Variants in PCDHGB1 observed in about 807,000 individuals in gnomAD.
PCDHGB1 encodes protocadherin gamma subfamily B, 1.
PCDHGB1 carries 34 observed loss-of-function variants against 56.6 expected under a neutral mutation model. That is an observed-to-expected ratio of 0.60 (90% CI 0.46 to 0.80). PCDHGB1 has a LOEUF of 0.80. PCDHGB1 is among the 30% of genes least tolerant of loss of function. PCDHGB1 has a pLI of 0.00. For synonymous variants in PCDHGB1, 561 were observed against 505.9 expected, an observed-to-expected ratio of 1.11 and a Z score of -1.46; for missense variants, 1,278 against 1,204.6, an observed-to-expected ratio of 1.06 and a Z score of -0.90.
chr5:141,485,152 A>T lies in PCDHGB1; in HGVS notation c.2410-9655A>T. 1.3e-6 allele frequency: 2 copies of T among 1,586,090 alleles called. No homozygotes were observed. Among genetic ancestry groups the T allele is most frequent in the Non-Finnish European group, 8.6e-7 (1 of 1,157,176 alleles). ...CTTCATCCGCGTCTCAGGAGCAAGT[A>T]GAGAATTAGCGGGCGGCAGCAATGC... On this transcript the variant is annotated intron_variant, in intron 1 of 3. Coordinates refer to ENST00000523390, the MANE Select transcript of PCDHGB1 (RefSeq NM_018922.3). This position sits in a 1 kb window ranked among gnomAD's most constrained non-coding sequence, Gnocchi z 5.7.
chr5:141,382,940 T>A, intron 1 of PCDHGB1: 1 of 1,595,270 alleles, frequency 6.3e-7, no homozygotes, highest in Non-Finnish European at 8.6e-7. Flanking sequence ...AGAGGATTCT[T>A]CCTGCTCTCC....
chr5:141,415,747 T>TTTTG, intron 1 of PCDHGB1: 2 of 797,626 alleles, frequency 2.5e-6, no homozygotes, highest in Non-Finnish European at 3.1e-6. Flanking sequence ...AAGGTTTTTT[T>TTTTG]TTTTTTTTTT....
chr5:141,490,945 C>T lies in PCDHGB1; in HGVS notation c.2410-3862C>T, dbSNP rs2099706308. On this transcript the variant is annotated intron_variant, in intron 1 of 3. Transcript: ENST00000523390. This position sits in a 1 kb window ranked among gnomAD's most constrained non-coding sequence, Gnocchi z 5.4. ...TGCCCCAGCTGTGCTGCACCCACGG[C>T]CAGACTGGGAACACTCAGCCCCCCA... The T allele has an allele frequency of 6.2e-7, 1 of 1,613,434 alleles. No homozygotes were observed. Among genetic ancestry groups the T allele is most frequent in the South Asian group, 1.1e-5 (1 of 91,010 alleles).
Position 141,486,006 on chromosome 5 carries a change from C to G in PCDHGB1, c.2410-8801C>G, listed in dbSNP as rs1394484191. The G allele has an allele frequency of 1.9e-6, 3 of 1,614,190 alleles. No individual in the cohort carries two copies. The highest frequency in any genetic ancestry group is 1.1e-5 in the South Asian group (1 of 91,084). On this transcript the variant is annotated intron_variant, in intron 1 of 3. Transcript: ENST00000523390. The surrounding 1 kb of genome is among the most constrained non-coding windows in gnomAD (Gnocchi z 5.0). Reference sequence around the variant, plus strand: ...GACCTGGGTCCCAGTGGTAACGTCACCTTTTATTTCAGTGGTCATACCCCT... The same window carrying G: ...GACCTGGGTCCCAGTGGTAACGTCAGCTTTTATTTCAGTGGTCATACCCCT...
At chr5:141,411,567 G>A (rs1390794685) in intron 1 of PCDHGB1, 1 of 152,186 alleles carries the variant, frequency 6.6e-6, no homozygotes, top group Non-Finnish European at 1.5e-5. Context: ...CTGGGCGACA[G>A]AGTGCGACCC....
chr5:141,399,055 G>A (rs372997829), intron 1 of PCDHGB1: 3 of 1,613,726 alleles, frequency 1.9e-6, no homozygotes, highest in African/African-American at 2.7e-5. Context: ...AGAGACCAAG[G>A]AATATTCAAT....
intron 1 of PCDHGB1, chr5:141,393,894 C>T (rs201697840): frequency 6.2e-7 from 1 of 1,614,000 alleles, no homozygotes. Flanking sequence ...AGAAAATTCT[C>T]TTCCCGGGAC....
chr5:141,488,565 C>A (rs1308485284), intron 1 of PCDHGB1, among the ~76,000 whole-genome samples: 1 of 152,174 alleles, frequency 6.6e-6, no homozygotes, highest in Non-Finnish European at 1.5e-5. Flanking sequence ...GAGATTTCCG[C>A]AAAGCATTGC....
intron 1 of PCDHGB1, among the ~76,000 whole-genome samples, chr5:141,386,804 A>T (rs976518864): frequency 6.6e-6 from 1 of 152,238 alleles, no homozygotes; most frequent in Non-Finnish European, 1.5e-5. Context: ...AATTTATTAG[A>T]TGCATAAAAT....
chr5:141,507,937 A>T (rs2154594220), intron 3 of PCDHGB1: 1 of 152,420 alleles, frequency 6.6e-6, no homozygotes, highest in Admixed American at 6.5e-5. Context: ...AGAGGGGTTA[A>T]GTAAGAGGGA....
At chr5:141,408,844 C>G (rs1359968983) in intron 1 of PCDHGB1, 1 of 1,613,634 alleles carries the variant, frequency 6.2e-7, no homozygotes, top group South Asian at 1.1e-5. Context: ...TATTGACTGC[C>G]TTGGACGGAG....
In PCDHGB1 at chr5:141,491,177, T is replaced by G; in HGVS notation, c.2410-3630T>G. The G allele has an allele frequency of 6.2e-7, 1 of 1,614,158 alleles. No homozygotes were observed. Among genetic ancestry groups the G allele is most frequent in the Non-Finnish European group, 8.5e-7 (1 of 1,180,010 alleles). Reference sequence around the variant, plus strand: ...GACTCTGACACCCAGCAGGTGGTGGTCCTGGTGAGGGACAATGGTGACCCT... The same window carrying G: ...GACTCTGACACCCAGCAGGTGGTGGGCCTGGTGAGGGACAATGGTGACCCT... On this transcript the variant is annotated intron_variant, in intron 1 of 3. Transcript: ENST00000523390. This position sits in a 1 kb window ranked among gnomAD's most constrained non-coding sequence, Gnocchi z 6.9.
At chr5:141,370,428 G>A in intron 1 of PCDHGB1, 1 of 1,598,310 alleles carries the variant, frequency 6.3e-7, no homozygotes, top group Non-Finnish European at 8.5e-7. Context: ...GGGCCCAGCA[G>A]GGCAGAGGCG....
chr5:141,456,973 A>G (rs1276476368), intron 1 of PCDHGB1, among the ~76,000 whole-genome samples: 2 of 147,412 alleles, frequency 1.4e-5, no homozygotes, highest in Admixed American at 6.7e-5. Flanking sequence ...AAAACAAAAC[A>G]AACAAACAAA....
intron 1 of PCDHGB1, among the ~76,000 whole-genome samples, chr5:141,465,779 G>GT (rs879859429): frequency 0.017 from 2,504 of 144,598 alleles, 23 homozygotes; most frequent in Non-Finnish European, 0.024. Flanking sequence ...TCTTGTTACA[G>GT]TTTTTTTTTT....
chr5:141,365,390 A>T (rs1763883184), intron 1 of PCDHGB1: 1 of 1,613,850 alleles, frequency 6.2e-7, no homozygotes, highest in African/African-American at 1.3e-5. Context: ...CTCTCTGACC[A>T]GTTCGATCTC....
intron 1 of PCDHGB1, chr5:141,395,362 T>A: frequency 1.5e-6 from 2 of 1,294,628 alleles, no homozygotes; most frequent in Non-Finnish European, 1.0e-6. Context: ...AGTTTTGGGT[T>A]TATTTTGGTG....
In PCDHGB1 at chr5:141,450,548, G is replaced by A. The variant is rs186010209; in HGVS notation, c.2410-44259G>A. 3.3e-4 allele frequency among the ~76,000 whole-genome samples: 50 copies of A among 151,716 alleles called. 1 individual carries two copies. Among genetic ancestry groups the A allele is most frequent in the African/African-American group, 9.9e-4 (41 of 41,366 alleles). On this transcript the variant is annotated intron_variant, in intron 1 of 3. Transcript: ENST00000523390. ...GTCACCCAGGCTGGAATGCAGTGGC[G>A]CAGTCTCGGCTCACTGCAACTTCTG... is the stretch of plus-strand genomic sequence containing the variant.
intron 1 of PCDHGB1, chr5:141,371,242 A>C: frequency 6.2e-7 from 1 of 1,614,034 alleles, no homozygotes; most frequent in Non-Finnish European, 8.5e-7. Flanking sequence ...GCCTTCATCA[A>C]TATTGGCAAG....
Sources: gnomAD v4.1 joint callset for allele counts (sites outside exome capture counted in the v4.1 genomes callset) on GRCh38, gnomAD v4.1.1 for gene constraint, Gnocchi (gnomAD v3.1) non-coding constraint, MANE v1.5 for transcripts, NCBI Gene and HGNC (gene_info 2026-07-23, HGNC 2026-07-21) for gene names.